PTPRA: variants seen among roughly 807,000 people sequenced by gnomAD.
PTPRA encodes receptor-type tyrosine-protein phosphatase alpha.
Under a neutral mutation model 104.8 loss-of-function variants are expected in PTPRA, and 25 were observed. The observed-to-expected ratio is 0.24, with a 90% CI of 0.17 to 0.33. PTPRA has a LOEUF of 0.33. PTPRA is among the 10% of genes least tolerant of loss of function. The probability of loss-of-function intolerance (pLI) is 1.00; values close to 1 mark genes in which losing one functional copy is unlikely to be tolerated. For missense variants in PTPRA, 765 were observed against 1,015.3 expected (o/e 0.75, Z 3.35); for synonymous variants, 323 against 368.9 (o/e 0.88, Z 1.43).
In PTPRA at chr20:3,037,316, C is replaced by T; in HGVS notation, c.2334+27C>T. On this transcript the variant is annotated intron_variant, in intron 23 of 23. Transcript: ENST00000399903. The surrounding 1 kb of genome is among the most constrained non-coding windows in gnomAD (Gnocchi z 4.3). The stretch of plus-strand genomic sequence containing the variant: ...TATGCTGCCCACATATTTGTCCCTG[C>T]CACCACACCACCTGCAGCCCTTCTC... The T allele has an allele frequency of 6.2e-7, 1 of 1,611,002 alleles. No individual in the cohort carries two copies. The highest frequency in any genetic ancestry group is 8.5e-7 in the Non-Finnish European group (1 of 1,178,480).
chr20:2,909,618 G>T (rs915919580), intron 1 of PTPRA, among the ~76,000 whole-genome samples: 2 of 151,018 alleles, frequency 1.3e-5, no homozygotes, highest in Admixed American at 1.3e-4. Flanking sequence ...AACTACAAAA[G>T]ATTGTCTGAA....
At chr20:3,023,478 A>G (rs1030428990) in intron 16 of PTPRA, among the ~76,000 whole-genome samples, 30 of 152,268 alleles carry the variant, frequency 2.0e-4, no homozygotes, top group Admixed American at 1.2e-3. Flanking sequence ...ATAGGAGAAA[A>G]CCGCCTTATG....
At chr20:2,997,412 A>AT (rs2063444553) in intron 9 of PTPRA, among the ~76,000 whole-genome samples, 1 of 152,344 alleles carries the variant, frequency 6.6e-6, no homozygotes, top group South Asian at 2.1e-4. Context: ...CGATGGATAT[A>AT]TAACATCTAG....
intron 1 of PTPRA, among the ~76,000 whole-genome samples, chr20:2,890,436 G>A (rs1354487423): frequency 6.6e-6 from 1 of 152,110 alleles, no homozygotes; most frequent in Non-Finnish European, 1.5e-5. Context: ...CTATGTATTT[G>A]TTTGTTTTAA....
At chr20:2,993,221 T>C (rs1255110692) in intron 9 of PTPRA, among the ~76,000 whole-genome samples, 1 of 152,208 alleles carries the variant, frequency 6.6e-6, no homozygotes, top group Non-Finnish European at 1.5e-5. Flanking sequence ...TGCTCCTCTT[T>C]GTTAGCAGGA....
chr20:2,888,498 G>A (rs1600063341), intron 1 of PTPRA, among the ~76,000 whole-genome samples: 1 of 151,784 alleles, frequency 6.6e-6, no homozygotes, highest in South Asian at 2.1e-4. Flanking sequence ...GATCAAGGCT[G>A]CAGTGAACAT....
At chr20:3,023,650 C>A (rs563782218) in intron 16 of PTPRA, among the ~76,000 whole-genome samples, 3 of 152,294 alleles carry the variant, frequency 2.0e-5, no homozygotes, top group African/African-American at 7.2e-5. Flanking sequence ...TTTCTGCTGA[C>A]CCTCTGCCCA....
At chr20:2,952,786 C>T (rs938458465) in intron 3 of PTPRA, among the ~76,000 whole-genome samples, 2 of 152,146 alleles carry the variant, frequency 1.3e-5, no homozygotes, top group Admixed American at 6.6e-5. Context: ...TTTGACTGCT[C>T]TAAGTACTTC....
intron 1 of PTPRA, among the ~76,000 whole-genome samples, chr20:2,910,741 G>A (rs1302514531): frequency 4.7e-5 from 7 of 149,292 alleles, no homozygotes; most frequent in Admixed American, 1.3e-4. Context: ...CAAGTAGCTG[G>A]GACTACAGGC....
chr20:3,008,973 A>G (rs1476617444), intron 11 of PTPRA, among the ~76,000 whole-genome samples: 3 of 152,120 alleles, frequency 2.0e-5, no homozygotes, highest in South Asian at 2.1e-4. Flanking sequence ...ACCACAAGAA[A>G]AAAAAAGGAC....
upstream of PTPRA, among the ~76,000 whole-genome samples, chr20:2,871,001 A>T (rs1418192041): frequency 6.6e-6 from 1 of 152,102 alleles, no homozygotes; most frequent in Non-Finnish European, 1.5e-5. Context: ...GCCAAGTAGG[A>T]TGGAGGGCTG....
intron 11 of PTPRA, among the ~76,000 whole-genome samples, chr20:3,013,420 T>A (rs1029297400): frequency 1.2e-5 from 1 of 82,090 alleles, no homozygotes; most frequent in Non-Finnish European, 2.6e-5. Context: ...ATATATAGGA[T>A]TTTTTTTTTT....
rs748980626 is a variant in PTPRA at position 3,038,080 on chromosome 20, A to C, written c.2356A>C (p.Lys786Gln). 1.1e-5 allele frequency: 17 copies of C among 1,613,342 alleles called. No individual in the cohort carries two copies. Among genetic ancestry groups the C allele is most frequent in the Non-Finnish European group, 1.4e-5 (16 of 1,179,260 alleles). Residue 786 changes from lysine (K) to glutamine (Q), a missense_variant, in exon 24 of 24, where the codon AAG (lysine) becomes CAG (glutamine). Lys to Gln is a moderately conservative substitution (Grantham distance 53). Transcript: ENST00000399903. ...QTLEQYEFCY[K>Q]VVQEYIDAFS... ...CCAGGAACAGTATGAGTTCTGCTAC[A>C]AGGTGGTGCAGGAGTATATTGATGC... is the stretch of plus-strand genomic sequence containing the variant.
At chr20:3,026,385 G>A (rs2065148012) in intron 17 of PTPRA, among the ~76,000 whole-genome samples, 2 of 152,142 alleles carry the variant, frequency 1.3e-5, no homozygotes. Flanking sequence ...CAGCCTCTGG[G>A]GGTGGAACTG....
chr20:2,939,495 ACCT>A (rs977541559), intron 2 of PTPRA, among the ~76,000 whole-genome samples: 2 of 152,006 alleles, frequency 1.3e-5, no homozygotes, highest in African/African-American at 4.8e-5. Context: ...AAGGAGGGGT[ACCT>A]CCTCCCCTTT....
chr20:2,930,513 A>G (rs1356530619), intron 2 of PTPRA, among the ~76,000 whole-genome samples: 1 of 152,120 alleles, frequency 6.6e-6, no homozygotes. Context: ...GCAGAAATAT[A>G]TTGTCTGGCA....
intron 6 of PTPRA, among the ~76,000 whole-genome samples, chr20:2,978,215 A>G (rs963366410): frequency 6.6e-6 from 1 of 152,142 alleles, no homozygotes; most frequent in Non-Finnish European, 1.5e-5. Context: ...TTGGTTTTAG[A>G]AAGATATTCC....
intron 2 of PTPRA, among the ~76,000 whole-genome samples, chr20:2,929,039 C>G (rs2060412873): frequency 6.6e-6 from 1 of 152,044 alleles, no homozygotes; most frequent in Non-Finnish European, 1.5e-5. Flanking sequence ...CTGTGTTGCC[C>G]TGGCTGGTCT....
chr20:2,993,231 A>G (rs2063261516), intron 9 of PTPRA, among the ~76,000 whole-genome samples: 1 of 152,170 alleles, frequency 6.6e-6, no homozygotes, highest in South Asian at 2.1e-4. Context: ...TGTTAGCAGG[A>G]GAGGGGTGGT....
Sources: allele counts gnomAD v4.1 joint callset (sites outside exome capture counted in the v4.1 genomes callset), GRCh38; gene constraint gnomAD v4.1.1; non-coding constraint Gnocchi (gnomAD v3.1); transcripts MANE v1.5; gene names NCBI Gene and HGNC (gene_info 2026-07-23, HGNC 2026-07-21).